ZNF142: variants seen among roughly 807,000 people sequenced by gnomAD.
ZNF142 encodes zinc finger protein 142 (clone pHZ-49).
A neutral mutation model predicts 132.1 loss-of-function variants in ZNF142; 96 were observed. That is an observed-to-expected ratio of 0.73 (90% confidence interval 0.62 to 0.86). The LOEUF is 0.86. ZNF142 is among the 40% of genes least tolerant of loss of function. The pLI is 0.00. For missense variants in ZNF142, 2,163 were observed against 2,336.2 expected (o/e 0.93, Z 1.53); for synonymous variants, 842 against 890.1 (o/e 0.95, Z 0.96).
chr2:218,656,483 A>G lies in ZNF142; in HGVS notation c.-34-20T>C, dbSNP rs542035940. On this transcript the variant is annotated intron_variant, in intron 3 of 10. Transcript: ENST00000411696. ...TAAATGCTGACAAGCCAACCAGAAG[A>G]AAAACAAAGTAAGGTTAGAGTTCTT... 1.2e-5 allele frequency: 17 copies of G among 1,424,348 alleles called. No individual in the cohort carries two copies. The African/African-American group carries it at 1.6e-4, about 13-fold the overall frequency. The allele number at this position is 1,424,348 out of a possible 1,614,324, so 88.2% of individuals were successfully genotyped here.
intron 3 of ZNF142, among the ~76,000 whole-genome samples, chr2:218,656,688 GGCCAATATAT>G (rs1453300615): frequency 2.6e-5 from 4 of 152,084 alleles, no homozygotes; most frequent in African/African-American, 9.7e-5. Flanking sequence ...AACAAGTATT[GGCCAATATAT>G]TAATGACTGC....
intron 6 of ZNF142, among the ~76,000 whole-genome samples, 171 bp from the exon 7 acceptor site, chr2:218,649,630 T>TGG (rs1937799820): frequency 6.6e-6 from 1 of 152,206 alleles, no homozygotes; most frequent in African/African-American, 2.4e-5. Context: ...AACTCAAGTT[T>TGG]TAAGAGAAGC....
chr2:218,643,193 G>GT lies in ZNF142; in HGVS notation c.3922dup (p.Thr1308AsnfsTer5). ...TTCCTGCTGGCAGCTAAAGGGACAT[G>GT]TAGGGCAGGAGAAGCGAGCCCCCTT... On this transcript the variant is annotated frameshift_variant, in exon 9 of 11. Coordinates refer to ENST00000411696, the MANE Select transcript of ZNF142 (RefSeq NM_001379659.1). LOFTEE classifies it high-confidence loss of function. 1 of 1,614,272 alleles carries GT rather than the reference G, an allele frequency of 6.2e-7. No individual in the cohort carries two copies. The highest frequency in any genetic ancestry group is 8.5e-7 in the Non-Finnish European group (1 of 1,180,048).
intron 7 of ZNF142, 40 bp downstream of exon 7, chr2:218,648,595 C>G: frequency 5.1e-6 from 8 of 1,579,160 alleles, no homozygotes; most frequent in Non-Finnish European, 6.9e-6. Flanking sequence ...TCACCACCAT[C>G]ATTATTACAA....
chr2:218,643,773 T>C lies in ZNF142; in HGVS notation c.3343A>G (p.Thr1115Ala). Residue 1115 changes from threonine to alanine, a missense_variant, in exon 9 of 11, where the codon ACC becomes GCC. Thr to Ala is a moderately conservative substitution (Grantham distance 58). Transcript: ENST00000411696. ...CTTTCTGTGTCCTCTGAGGCCTGGG[T>C]ACCTGGGAGCACAGGTTGCAGAGGG... Reference protein sequence around the residue: ...PIPLQPVLPGTQASEDTESGK... With the variant: ...PIPLQPVLPGAQASEDTESGK... 1 of 1,611,782 alleles carries C rather than the reference T, an allele frequency of 6.2e-7. No homozygotes were observed. The highest frequency in any genetic ancestry group is 8.5e-7 in the Non-Finnish European group (1 of 1,178,836).
chr2:218,638,564 G>T lies in ZNF142; in HGVS notation c.5439C>A (p.Leu1813=). 6.2e-7 allele frequency: 1 copy of T among 1,612,068 alleles called. No homozygotes were observed. The highest frequency in any genetic ancestry group is 1.7e-5 in the Admixed American group (1 of 59,964). The part of the protein sequence containing the change: ...RWAAGLRHHA[L]THTDRHPFFC... Reference sequence around the variant, plus strand: ...AGAAGGGGTGGCGGTCGGTGTGGGTGAGGGCATGATGGCGCAGGCCAGCAG... The same window carrying T: ...AGAAGGGGTGGCGGTCGGTGTGGGTTAGGGCATGATGGCGCAGGCCAGCAG... Residue 1813 remains leucine, a synonymous_variant, in exon 11 of 11, where the codon CTC becomes CTA. Transcript: ENST00000411696.
At chr2:218,657,837 C>G (rs1444956810) in intron 3 of ZNF142, among the ~76,000 whole-genome samples, 3 of 152,208 alleles carry the variant, frequency 2.0e-5, no homozygotes, top group Non-Finnish European at 4.4e-5. Flanking sequence ...CTGTCAGTCT[C>G]TCTCCCTAGA....
Position 218,634,865 on chromosome 2 carries a change from A to G in ZNF142, c.*3474T>C, listed in dbSNP as rs959454022. 7.2e-5 allele frequency among the ~76,000 whole-genome samples: 11 copies of G among 152,304 alleles called. No homozygotes were observed. The highest frequency in any genetic ancestry group is 3.4e-3 in the Middle Eastern group (1 of 294). On this transcript the variant is annotated 3_prime_UTR_variant, in exon 11 of 11. Coordinates refer to ENST00000411696, the MANE Select transcript of ZNF142 (RefSeq NM_001379659.1). The surrounding 1 kb of genome is among the most constrained non-coding windows in gnomAD (Gnocchi z 4.0). ...TGCTCACCTGCAAAATAGGGGTAACACTACCACCTGCCTCACAGGGTTATA... is the reference window on the plus strand; with the variant it reads ...TGCTCACCTGCAAAATAGGGGTAACGCTACCACCTGCCTCACAGGGTTATA...
At position 218,656,135 on chromosome 2, in the gene ZNF142, CA is replaced by C; in HGVS notation, c.280+14del. The C allele has an allele frequency of 6.6e-7, 1 of 1,520,792 alleles. No homozygotes were observed. The highest frequency in any genetic ancestry group is 1.8e-4 in the Middle Eastern group (1 of 5,708). 94.2% of individuals were successfully genotyped at this position (1,520,792 alleles called of 1,614,324 possible). A position where few individuals can be genotyped will look rare whatever the true frequency, so the allele number is the denominator to read the frequency against. Reference sequence around the variant, plus strand: ...GCTGCTTGTCCCACTGGCCTGCTTGCAACTGTGTTTGTACCTGGGGTCTCTC... The same window carrying C: ...GCTGCTTGTCCCACTGGCCTGCTTGCACTGTGTTTGTACCTGGGGTCTCTC... On this transcript the variant is annotated intron_variant, in intron 4 of 10. Coordinates refer to ENST00000411696, the MANE Select transcript of ZNF142 (RefSeq NM_001379659.1).
intron 10 of ZNF142, among the ~76,000 whole-genome samples, chr2:218,640,451 C>G (rs191406056): frequency 1.3e-5 from 2 of 152,330 alleles, no homozygotes; most frequent in East Asian, 3.9e-4. Context: ...TTGGAAAGTA[C>G]ATATGCCCAG....
At position 218,636,537 on chromosome 2, in the gene ZNF142, A is replaced by AT; in HGVS notation, c.*1801dup. 1 of 1,613,970 alleles carries AT rather than the reference A, an allele frequency of 6.2e-7. No individual in the cohort carries two copies. Among genetic ancestry groups the AT allele is most frequent in the Non-Finnish European group, 8.5e-7 (1 of 1,179,872 alleles). The stretch of plus-strand genomic sequence containing the variant: ...CTCCGCCCAGCTTCCATCTTTGTGT[A>AT]TATCTGCATCCAGGAAGGCCTGGAG... On this transcript the variant is annotated 3_prime_UTR_variant, in exon 11 of 11. Coordinates refer to ENST00000411696, the MANE Select transcript of ZNF142 (RefSeq NM_001379659.1).
Position 218,643,564 on chromosome 2 carries a change from G to T in ZNF142, c.3552C>A (p.Val1184=), listed in dbSNP as rs61733645. 1.8e-5 allele frequency: 29 copies of T among 1,601,550 alleles called. No homozygotes were observed. In the South Asian group the frequency reaches 2.9e-4, roughly 16 times the overall value. ...EAPKKHCFDP[V]PPAGNSSPTE... Reference sequence around the variant, plus strand: ...TGGGTGAGGAGTTTCCTGCAGGAGGGACTGGGTCAAAGCAGTGCTTCTTAG... The same window carrying T: ...TGGGTGAGGAGTTTCCTGCAGGAGGTACTGGGTCAAAGCAGTGCTTCTTAG... Residue 1184 remains valine (V), a synonymous_variant, in exon 9 of 11, where the codon GTC becomes GTA. Transcript: ENST00000411696.
rs375136122 is a variant in ZNF142, at chr2:218,638,149, A to G, written c.*190T>C. Reference sequence around the variant, plus strand: ...TACAGCAATAAGAAATCAACGTTATAGTCCATGTCCCTCTTTTATATGGGT... The same window carrying G: ...TACAGCAATAAGAAATCAACGTTATGGTCCATGTCCCTCTTTTATATGGGT... On this transcript the variant is annotated 3_prime_UTR_variant, in exon 11 of 11. Transcript: ENST00000411696. 99 of 460,804 alleles carry G rather than the reference A, an allele frequency of 2.1e-4. No individual in the cohort carries two copies. Among genetic ancestry groups the G allele is most frequent in the African/African-American group, 1.7e-3 (85 of 49,900 alleles). The allele number at this position is 460,804 out of a possible 1,614,324, so 28.5% of individuals were successfully genotyped here. A position where few individuals can be genotyped will look rare whatever the true frequency, so the allele number is the denominator to read the frequency against.
chr2:218,641,444 C>T (rs1474904628), intron 9 of ZNF142, among the ~76,000 whole-genome samples: 1 of 151,280 alleles, frequency 6.6e-6, no homozygotes, highest in Non-Finnish European at 1.5e-5. Flanking sequence ...CGGGGTTTCA[C>T]AGTGTTAGCC....
Position 218,633,872 on chromosome 2 carries a change from A to ACCAG in ZNF142, c.*4466_*4467insCTGG. 3 of 1,369,064 alleles carry ACCAG rather than the reference A, an allele frequency of 2.2e-6. No homozygotes were observed. The highest frequency in any genetic ancestry group is 1.4e-5 in the African/African-American group (1 of 69,686). 84.8% of individuals were successfully genotyped at this position (1,369,064 alleles called of 1,614,324 possible). On this transcript the variant is annotated 3_prime_UTR_variant, in exon 11 of 11. Transcript: ENST00000411696. ...AGACAAGGTAGCTAAGGAGAGATGA[A>ACCAG]GGAGTTCAGAAACTCCTTAGAGCAG...
Position 218,643,446 on chromosome 2 carries a change from C to T in ZNF142, c.3670G>A (p.Gly1224Ser), listed in dbSNP as rs562531463. The T allele has an allele frequency of 6.3e-5, 102 of 1,614,214 alleles. 1 individual carries two copies. In the South Asian group the frequency reaches 9.9e-4, roughly 16 times the overall value. The change falls in exon 9 of 11, where the codon GGC becomes AGC. Residue 1224 changes from glycine to serine, a missense_variant. This residue lies in a region of ZNF142 where 809 missense variants were observed against 801.7 expected (regional missense o/e 1.01). Transcript: ENST00000411696. ...EALKKHRFEQ[G>S]KFHCNSCPFL... ...GGGCAGGAGTTGCAGTGAAACTTGC[C>T]CTGCTCAAAGCGGTGCTTCTTCAGG...
At position 218,638,800 on chromosome 2, in the gene ZNF142, G is replaced by A. The variant is rs376093405; in HGVS notation, c.5203C>T (p.Pro1735Ser). The change falls in exon 11 of 11, where the codon CCA (proline) becomes TCA (serine). Residue 1735 changes from proline to serine, a missense_variant. Physicochemically the swap from Pro to Ser is moderately conservative, Grantham distance 74 (BLOSUM62 -1). Around this residue, in one of 7 missense-constraint regions of ZNF142, gnomAD observed 325 missense variants for 367.8 expected, o/e 0.88. Coordinates refer to ENST00000411696, the MANE Select transcript of ZNF142 (RefSeq NM_001379659.1). ...YHMTKHTGLK[P>S]YQCPECEYCT... ...TACTCACACTCGGGACACTGGTATGGCTTCAGTCCTACAGGACAGGGAACA... is the reference window on the plus strand; with the variant it reads ...TACTCACACTCGGGACACTGGTATGACTTCAGTCCTACAGGACAGGGAACA... 16 of 1,597,738 alleles carry A rather than the reference G, an allele frequency of 1.0e-5. No homozygotes were observed. The highest frequency in any genetic ancestry group is 2.2e-5 in the East Asian group (1 of 44,762).
rs373959827 is a variant in ZNF142 at position 218,636,533 on chromosome 2, G to T, written c.*1806C>A. On this transcript the variant is annotated 3_prime_UTR_variant, in exon 11 of 11. Coordinates refer to ENST00000411696, the MANE Select transcript of ZNF142 (RefSeq NM_001379659.1). ...CAGCCTCCGCCCAGCTTCCATCTTT[G>T]TGTATATCTGCATCCAGGAAGGCCT... 1 of 1,613,864 alleles carries T rather than the reference G, an allele frequency of 6.2e-7. No individual in the cohort carries two copies. The highest frequency in any genetic ancestry group is 1.3e-5 in the African/African-American group (1 of 74,928).
Position 218,654,625 on chromosome 2 carries a change from A to G in ZNF142, c.280+1525T>C, listed in dbSNP as rs1021537478. 2.0e-5 allele frequency among the ~76,000 whole-genome samples: 3 copies of G among 152,152 alleles called. No individual in the cohort carries two copies. In the South Asian group the frequency reaches 6.2e-4, roughly 32 times the overall value. On this transcript the variant is annotated intron_variant, in intron 4 of 10. Transcript: ENST00000411696. The stretch of plus-strand genomic sequence containing the variant: ...AGGCAACTGCCTGTCTCGGCCTCCC[A>G]AAGTGCTAGGATTATAGGCATGAGC...
Sources: gnomAD v4.1 joint callset for allele counts (sites outside exome capture counted in the v4.1 genomes callset) on GRCh38, gnomAD v4.1.1 for gene constraint, gnomAD v4.1.1 regional missense constraint, Gnocchi (gnomAD v3.1) non-coding constraint, MANE v1.5 for transcripts, NCBI Gene and HGNC (gene_info 2026-07-23, HGNC 2026-07-21) for gene names.